Variants in TAFA1 observed in about 807,000 individuals in gnomAD.
The protein encoded by TAFA1 is chemokine-like protein TAFA-1.
In TAFA1, 4 loss-of-function variants were observed where a neutral mutation model predicts 18.5. The ratio of observed to expected loss-of-function variants is 0.22; its 90% CI spans 0.11 to 0.49. The LOEUF (loss-of-function observed/expected upper bound fraction) is 0.49. Among genes scored for constraint, TAFA1 ranks in the 20% least tolerant of loss-of-function variants. The pLI is 0.98. For synonymous variants in TAFA1, 56 were observed against 55.2 expected, an observed-to-expected ratio of 1.01 and a Z score of -0.06; for missense variants, 147 against 169.0, an observed-to-expected ratio of 0.87 and a Z score of 0.72.
intron 2 of TAFA1, among the ~76,000 whole-genome samples, chr3:68,141,425 G>GAGAGA (rs1198995629): frequency 6.6e-6 from 1 of 152,112 alleles, no homozygotes; most frequent in African/African-American, 2.4e-5. Context: ...TTTATTAAGA[G>GAGAGA]AGAGAACTCA....
intron 2 of TAFA1, among the ~76,000 whole-genome samples, chr3:68,358,262 AT>A (rs540139974): frequency 2.0e-5 from 3 of 151,700 alleles, no homozygotes; most frequent in South Asian, 4.2e-4. Flanking sequence ...ATTGATTTTT[AT>A]TTTTTTTATA....
At chr3:68,517,876 C>G (rs2072948242) in intron 3 of TAFA1, among the ~76,000 whole-genome samples, 1 of 151,998 alleles carries the variant, frequency 6.6e-6, no homozygotes, top group South Asian at 2.1e-4. Context: ...CAAATTTAAG[C>G]AGCACAGTTC....
chr3:68,125,400 C>A (rs2065452088), intron 2 of TAFA1, among the ~76,000 whole-genome samples: 1 of 152,174 alleles, frequency 6.6e-6, no homozygotes, highest in South Asian at 2.1e-4. Context: ...TACTGCTGCT[C>A]GTTGTTTTGA....
intron 3 of TAFA1, among the ~76,000 whole-genome samples, chr3:68,438,777 A>G (rs1428390264): frequency 6.6e-6 from 1 of 152,090 alleles, no homozygotes; most frequent in Non-Finnish European, 1.5e-5. Context: ...CAGAATTAGC[A>G]CCACTTTGGT....
intron 2 of TAFA1, among the ~76,000 whole-genome samples, chr3:68,064,389 C>T (rs1053365551): frequency 1.3e-5 from 2 of 152,092 alleles, no homozygotes; most frequent in Admixed American, 6.5e-5. Context: ...CTGGCTGTGA[C>T]CAAATTAGTC....
At chr3:68,371,393 C>T (rs905545952) in intron 2 of TAFA1, among the ~76,000 whole-genome samples, 3 of 151,940 alleles carry the variant, frequency 2.0e-5, no homozygotes, top group South Asian at 4.2e-4. Flanking sequence ...CAACCCCCAA[C>T]GGGCCCCAGT....
At chr3:68,318,455 C>A (rs1174387312) in intron 2 of TAFA1, among the ~76,000 whole-genome samples, 1 of 152,134 alleles carries the variant, frequency 6.6e-6, no homozygotes, top group African/African-American at 2.4e-5. Context: ...TATAAGGGAT[C>A]TTTAAAGTCG....
In TAFA1 at chr3:68,271,832, TCTCTCACACA is replaced by T. The variant is rs1423845111; in HGVS notation, c.119-145446_119-145437del. Among the ~76,000 whole-genome samples, 158 of 144,652 alleles carry T rather than the reference TCTCTCACACA, an allele frequency of 1.1e-3. 2 individuals are homozygous for T. Among genetic ancestry groups the T allele is most frequent in the African/African-American group, 3.9e-3 (147 of 37,448 alleles). 94.9% of individuals were successfully genotyped at this position (144,652 alleles called of 152,430 possible). A position where few individuals can be genotyped will look rare whatever the true frequency, so the allele number is the denominator to read the frequency against. On this transcript the variant is annotated intron_variant, in intron 2 of 4. Transcript: ENST00000478136. ...CTTTGTCTATCTCTCTCTCTCTCTC[TCTCTCACACA>T]CACACACACACACACACATTTAAAT...
At chr3:68,325,273 G>A (rs760140164) in intron 2 of TAFA1, among the ~76,000 whole-genome samples, 2 of 152,142 alleles carry the variant, frequency 1.3e-5, no homozygotes, top group Non-Finnish European at 2.9e-5. Flanking sequence ...ATCTTTCCCT[G>A]TAGAGCGACG....
chr3:68,182,749 A>G (rs903306292), intron 2 of TAFA1, among the ~76,000 whole-genome samples: 1 of 152,110 alleles, frequency 6.6e-6, no homozygotes, highest in African/African-American at 2.4e-5. Context: ...ATTCTTGTAA[A>G]CCCTACGTAA....
intron 2 of TAFA1, among the ~76,000 whole-genome samples, chr3:68,078,824 A>G (rs1439306555): frequency 1.3e-5 from 2 of 152,218 alleles, no homozygotes; most frequent in Non-Finnish European, 2.9e-5. Flanking sequence ...TGCTGTCCTC[A>G]TAAAATGAGT....
At chr3:68,514,763 G>A (rs2072898028) in intron 3 of TAFA1, among the ~76,000 whole-genome samples, 2 of 151,734 alleles carry the variant, frequency 1.3e-5, no homozygotes, top group African/African-American at 4.8e-5. Context: ...AAAAAATCCT[G>A]GAATTGAAAA....
At chr3:68,339,592 T>TA (rs1274573723) in intron 2 of TAFA1, among the ~76,000 whole-genome samples, 1 of 152,242 alleles carries the variant, frequency 6.6e-6, no homozygotes, top group South Asian at 2.1e-4. Context: ...AGCTGTGACT[T>TA]ACAATCCTTT....
intron 3 of TAFA1, among the ~76,000 whole-genome samples, chr3:68,529,424 T>C (rs1030426846): frequency 9.6e-5 from 11 of 114,078 alleles, no homozygotes; most frequent in African/African-American, 3.5e-4. Flanking sequence ...GGAATCTAGA[T>C]TCACCATTCT....
rs1233947776 is a variant in TAFA1, at chr3:68,327,266, A to T, written c.119-90014A>T. Among the ~76,000 whole-genome samples the T allele has an allele frequency of 2.6e-5, 4 of 152,286 alleles. No homozygotes were observed. In the East Asian group the frequency reaches 7.7e-4, roughly 29 times the overall value. On this transcript the variant is annotated intron_variant, in intron 2 of 4. Coordinates refer to ENST00000478136, the MANE Select transcript of TAFA1 (RefSeq NM_213609.4). ...GGTATGTCTTTATTAGCATCATGAG[A>T]GCAGAATATTGCAAAATTTATCTCT...
intron 4 of TAFA1, among the ~76,000 whole-genome samples, chr3:68,540,603 G>A (rs1020138016): frequency 6.6e-6 from 1 of 152,102 alleles, no homozygotes; most frequent in Non-Finnish European, 1.5e-5. Context: ...TATATTTCCT[G>A]CCAAATCTCT....
intron 2 of TAFA1, among the ~76,000 whole-genome samples, chr3:68,259,756 A>C (rs1224434529): frequency 2.0e-5 from 3 of 151,846 alleles, no homozygotes; most frequent in East Asian, 3.9e-4. Context: ...ATTGGTGTAT[A>C]AGAATGCTTG....
At chr3:68,225,278 T>C (rs1395795983) in intron 2 of TAFA1, among the ~76,000 whole-genome samples, 1 of 152,130 alleles carries the variant, frequency 6.6e-6, no homozygotes, top group Non-Finnish European at 1.5e-5. Flanking sequence ...TGTACTCTCA[T>C]GTCAAGAGGA....
intron 2 of TAFA1, among the ~76,000 whole-genome samples, chr3:68,077,819 A>G (rs2064846260): frequency 1.3e-5 from 2 of 151,978 alleles, no homozygotes; most frequent in South Asian, 4.1e-4. Flanking sequence ...TATGAACTTT[A>G]AAGTAGTTTT....
Sources: allele counts gnomAD v4.1 joint callset (sites outside exome capture counted in the v4.1 genomes callset), GRCh38; gene constraint gnomAD v4.1.1; transcripts MANE v1.5; gene names NCBI Gene and HGNC (gene_info 2026-07-23, HGNC 2026-07-21).